CYP19A1: variants seen among roughly 807,000 people sequenced by gnomAD.
CYP19A1 encodes aromatase.
A neutral mutation model predicts 44.4 loss-of-function variants in CYP19A1; 32 were observed. The ratio of observed to expected loss-of-function variants is 0.72; its 90% CI spans 0.54 to 0.97. The LOEUF (loss-of-function observed/expected upper bound fraction) is 0.97. Among genes scored for constraint, CYP19A1 ranks in the 50% least tolerant of loss-of-function variants. The pLI is 0.00. For missense variants in CYP19A1, 598 were observed against 637.8 expected, an observed-to-expected ratio of 0.94 and a Z score of 0.67; for synonymous variants, 212 against 215.6, an observed-to-expected ratio of 0.98 and a Z score of 0.14.
At chr15:51,288,397 G>A (rs959758706) in intron 1 of CYP19A1, among the ~76,000 whole-genome samples, 3 of 152,152 alleles carry the variant, frequency 2.0e-5, no homozygotes, top group Non-Finnish European at 4.4e-5. Flanking sequence ...TTCCACAGCT[G>A]CTACTTGAGT....
At chr15:51,334,551 C>T (rs2036748299) in intron 1 of CYP19A1, among the ~76,000 whole-genome samples, 1 of 152,218 alleles carries the variant, frequency 6.6e-6, no homozygotes, top group Admixed American at 6.5e-5. Flanking sequence ...ATGAGCCATT[C>T]TCATGATTGC....
At chr15:51,260,176 C>T (rs1380785154) in intron 1 of CYP19A1, among the ~76,000 whole-genome samples, 1 of 152,172 alleles carries the variant, frequency 6.6e-6, no homozygotes, top group East Asian at 1.9e-4. Context: ...TGGTGGCATG[C>T]TCTAGGTGAT....
chr15:51,215,138 A>C lies in CYP19A1; in HGVS notation c.953T>G (p.Met318Arg), dbSNP rs143839949. The C allele has an allele frequency of 6.2e-7, 1 of 1,614,120 alleles. No individual in the cohort carries two copies. Reference sequence around the variant, plus strand: ...AGGGTGCTTTGCAATGAGAAATAGCATGAAGAACAAAGAGACAGACATGGT... The same window carrying C: ...AGGGTGCTTTGCAATGAGAAATAGCCTGAAGAACAAAGAGACAGACATGGT... ...PDTMSVSLFFMLFLIAKHPNV... is the reference protein window; with the variant it reads ...PDTMSVSLFFRLFLIAKHPNV... The change falls in exon 8 of 10, where the codon ATG becomes AGG. Residue 318 changes from methionine to arginine, a missense_variant. Physicochemically the swap from Met to Arg is moderately conservative, Grantham distance 91. Coordinates refer to ENST00000396402, the MANE Select transcript of CYP19A1 (RefSeq NM_000103.4).
At chr15:51,236,205 C>T (rs1053412870) in intron 3 of CYP19A1, among the ~76,000 whole-genome samples, 2 of 152,154 alleles carry the variant, frequency 1.3e-5, no homozygotes, top group Non-Finnish European at 2.9e-5. Flanking sequence ...GGGAAAGCAG[C>T]ATGTGAATTA....
chr15:51,274,680 T>A (rs1223853272), intron 1 of CYP19A1, among the ~76,000 whole-genome samples: 1 of 152,216 alleles, frequency 6.6e-6, no homozygotes, highest in Non-Finnish European at 1.5e-5. Context: ...GTCTGAGTGA[T>A]GGAAGGATCA....
intron 1 of CYP19A1, chr15:51,243,190 G>A: frequency 2.4e-6 from 1 of 423,854 alleles, no homozygotes; most frequent in Non-Finnish European, 4.4e-6. Context: ...TTAGACGCTT[G>A]GTCTGATAGA....
chr15:51,296,286 C>T (rs967164784), intron 1 of CYP19A1, among the ~76,000 whole-genome samples: 1 of 152,084 alleles, frequency 6.6e-6, no homozygotes, highest in Admixed American at 6.5e-5. Context: ...GAGGAAAACT[C>T]CCTGAGACCT....
intron 7 of CYP19A1, 66 bp downstream of exon 7, chr15:51,215,637 C>A (rs1387154712): frequency 1.9e-6 from 3 of 1,612,778 alleles, no homozygotes; most frequent in East Asian, 2.2e-5. Flanking sequence ...AAAAGGGGAT[C>A]TTTACACACC....
Position 51,229,067 on chromosome 15 carries a change from A to G in CYP19A1, c.297-1134T>C, listed in dbSNP as rs2032817565. ...TTGAAATACATTCCCAGAGGACTCT[A>G]GACCAAAAAAGCGCTGCTCTGGTTC... On this transcript the variant is annotated intron_variant, in intron 3 of 9. Coordinates refer to ENST00000396402, the MANE Select transcript of CYP19A1 (RefSeq NM_000103.4). 2.0e-5 allele frequency among the ~76,000 whole-genome samples: 3 copies of G among 152,188 alleles called. No homozygotes were observed. The South Asian group carries it at 6.2e-4, about 32-fold the overall frequency.
chr15:51,228,290 G>A (rs1254327878), intron 3 of CYP19A1, among the ~76,000 whole-genome samples: 1 of 152,154 alleles, frequency 6.6e-6, no homozygotes, highest in Non-Finnish European at 1.5e-5. Flanking sequence ...TACCACCAGA[G>A]CCAGAAGAAC....
Position 51,210,891 on chromosome 15 carries a change from A to G in CYP19A1, c.1429T>C (p.Leu477=). 6.3e-7 allele frequency: 1 copy of G among 1,592,950 alleles called. No individual in the cohort carries two copies. The highest frequency in any genetic ancestry group is 8.6e-7 in the Non-Finnish European group (1 of 1,160,604). Reference sequence around the variant, plus strand: ...TTAGTCTCATCTGGGTGCAAGGACAAGTCGTGTATCTTCTGTATGCTCTCA... The same window carrying G: ...TTAGTCTCATCTGGGTGCAAGGACAGGTCGTGTATCTTCTGTATGCTCTCA... The part of the protein sequence containing the change: ...CVESIQKIHD[L]SLHPDETKNM... The change falls in exon 10 of 10, where the codon TTG becomes CTG. Residue 477 remains leucine, a synonymous_variant. Coordinates refer to ENST00000396402, the MANE Select transcript of CYP19A1 (RefSeq NM_000103.4).
chr15:51,328,444 C>T (rs757913488), intron 1 of CYP19A1, among the ~76,000 whole-genome samples: 5 of 152,102 alleles, frequency 3.3e-5, no homozygotes, highest in Non-Finnish European at 5.9e-5. Flanking sequence ...CCACATTCAC[C>T]GTCGTAACAA....
intron 1 of CYP19A1, chr15:51,323,729 G>A (rs2036564653): frequency 6.6e-6 from 1 of 152,230 alleles, no homozygotes; most frequent in African/African-American, 2.4e-5. Context: ...GACACTCAGA[G>A]CCCTGGAAAG....
intron 1 of CYP19A1, among the ~76,000 whole-genome samples, chr15:51,314,333 A>T (rs1246124422): frequency 3.3e-5 from 5 of 152,092 alleles, no homozygotes; most frequent in African/African-American, 1.2e-4. Context: ...GATTTTGGGA[A>T]AGAGGGACTT....
chr15:51,211,076 G>C lies in CYP19A1; in HGVS notation c.1264-20C>G, dbSNP rs1317654025. On this transcript the variant is annotated intron_variant, in intron 9 of 9. Transcript: ENST00000396402. The stretch of plus-strand genomic sequence containing the variant: ...AGGAACCTATGAAAATGATCAGACA[G>C]TTAGCCAGAATATTAAAGGCTAGAG... 1 of 1,537,284 alleles carries C rather than the reference G, an allele frequency of 6.5e-7. No homozygotes were observed. The highest frequency in any genetic ancestry group is 1.4e-5 in the African/African-American group (1 of 73,294).
At chr15:51,308,519 C>T (rs1595775769) in intron 1 of CYP19A1, among the ~76,000 whole-genome samples, 1 of 152,278 alleles carries the variant, frequency 6.6e-6, no homozygotes, top group East Asian at 1.9e-4. Context: ...TCCCAGTGGG[C>T]ATCTTCCTCT....
At chr15:51,253,135 T>C (rs1013986836) in intron 1 of CYP19A1, among the ~76,000 whole-genome samples, 1 of 152,182 alleles carries the variant, frequency 6.6e-6, no homozygotes, top group Non-Finnish European at 1.5e-5. Flanking sequence ...ATCTCTACCT[T>C]AGTTTCCTCA....
chr15:51,263,500 CT>C (rs1418169667), intron 1 of CYP19A1, among the ~76,000 whole-genome samples: 1 of 152,206 alleles, frequency 6.6e-6, no homozygotes, highest in Non-Finnish European at 1.5e-5. Flanking sequence ...GAAGTTTTCA[CT>C]TGCTTGGCTT....
intron 1 of CYP19A1, among the ~76,000 whole-genome samples, chr15:51,275,127 G>T (rs142590233): frequency 1.3e-5 from 2 of 152,318 alleles, no homozygotes; most frequent in East Asian, 3.9e-4. Context: ...CATCCAGGAA[G>T]CCCTGTTCTC....
Sources: allele counts gnomAD v4.1 joint callset (sites outside exome capture counted in the v4.1 genomes callset), GRCh38; gene constraint gnomAD v4.1.1; transcripts MANE v1.5; gene names NCBI Gene and HGNC (gene_info 2026-07-23, HGNC 2026-07-21).